XKR5: variants seen among roughly 807,000 people sequenced by gnomAD.
XKR5 encodes the protein XK related 5, also known as XK-related protein 5.
In XKR5, 46 loss-of-function variants were observed where a neutral mutation model predicts 40.8. The ratio of observed to expected loss-of-function variants is 1.13; its 90% CI spans 0.89 to 1.44. The LOEUF is 1.44. Among genes scored for constraint, XKR5 ranks in the 40% most tolerant of loss-of-function variants. The pLI is 0.00. For missense variants in XKR5, 1,169 were observed against 844.7 expected (o/e 1.38, Z -4.76); for synonymous variants, 466 against 356.1 (o/e 1.31, Z -3.48).
chr8:6,822,789 T>G (rs1034664273), intron 4 of XKR5, among the ~76,000 whole-genome samples: 1 of 152,220 alleles, frequency 6.6e-6, no homozygotes, highest in Non-Finnish European at 1.5e-5. Flanking sequence ...CCATTCATAT[T>G]GCGTGTGCCT....
rs924188759 is a variant in XKR5, at chr8:6,810,255, G to T, written c.*943C>A. 6.6e-6 allele frequency: 1 copy of T among 152,370 alleles called. No homozygotes were observed. Among genetic ancestry groups the T allele is most frequent in the African/African-American group, 2.4e-5 (1 of 41,578 alleles). The allele number at this position is 152,370 out of a possible 1,614,324, so 9.4% of individuals were successfully genotyped here. A position where few individuals can be genotyped will look rare whatever the true frequency, so the allele number is the denominator to read the frequency against. On this transcript the variant is annotated 3_prime_UTR_variant, in exon 7 of 7. Coordinates refer to ENST00000618742, the MANE Select transcript of XKR5 (RefSeq NM_207411.5). ...CAAAGGAAGGCTTAAAGAAATTATG[G>T]AAATACCTAGCCACAAAGAACACTT...
At chr8:6,827,633 A>C (rs189132108) in intron 2 of XKR5, among the ~76,000 whole-genome samples, 3 of 152,364 alleles carry the variant, frequency 2.0e-5, no homozygotes, top group Admixed American at 2.0e-4. Context: ...TATGACACTA[A>C]AAAATGTAAC....
chr8:6,815,775 G>C (rs1378047924), intron 6 of XKR5, 32 bp downstream of exon 6: 2 of 1,445,962 alleles, frequency 1.4e-6, no homozygotes, highest in Non-Finnish European at 1.9e-6. Flanking sequence ...TTGGGGAGGG[G>C]ATGCAGAGAA....
At chr8:6,833,304 C>T (rs1804857697) in intron 1 of XKR5, among the ~76,000 whole-genome samples, 1 of 152,256 alleles carries the variant, frequency 6.6e-6, no homozygotes, top group African/African-American at 2.4e-5. Flanking sequence ...GCCTCAACTT[C>T]CCCTGGTTCC....
Position 6,821,903 on chromosome 8 carries a change from C to G in XKR5, c.773G>C (p.Ser258Thr), listed in dbSNP as rs1459017861. 3.1e-6 allele frequency: 5 copies of G among 1,613,490 alleles called. No individual in the cohort carries two copies. Among genetic ancestry groups the G allele is most frequent in the Admixed American group, 1.7e-5 (1 of 59,942 alleles). ...CGTGACCATCCTATTTCTAGAAGGG[C>G]TGTCCCAGAAGCTGAGGTAGCAGAG... is the stretch of plus-strand genomic sequence containing the variant. ...YILCYLSFWD[S>T]PSRNRMVTFY... is the part of the protein sequence containing the mutation. Residue 258 changes from serine to threonine, a missense_variant, in exon 5 of 7, where the codon AGC (serine) becomes ACC (threonine). By Grantham distance (58) the Ser-to-Thr change is moderately conservative. Coordinates refer to ENST00000618742, the MANE Select transcript of XKR5 (RefSeq NM_207411.5).
chr8:6,829,992 C>T (rs1319587073), intron 2 of XKR5, among the ~76,000 whole-genome samples: 3 of 151,912 alleles, frequency 2.0e-5, no homozygotes, highest in Non-Finnish European at 4.4e-5. Context: ...CGCCCGCCAC[C>T]ACGCCCGGCT....
intron 2 of XKR5, among the ~76,000 whole-genome samples, chr8:6,827,220 G>A (rs937338517): frequency 2.6e-5 from 4 of 152,174 alleles, no homozygotes; most frequent in African/African-American, 7.2e-5. Context: ...GCAGCAATAA[G>A]GAGATGACCA....
intron 1 of XKR5, among the ~76,000 whole-genome samples, chr8:6,834,991 T>A (rs1430529071): frequency 1.3e-5 from 2 of 152,152 alleles, no homozygotes; most frequent in Non-Finnish European, 2.9e-5. Context: ...AGGGTCCCCC[T>A]GGACGGCCGG....
At position 6,832,718 on chromosome 8, in the gene XKR5, G is replaced by T. The variant is rs758160435; in HGVS notation, c.241C>A (p.Arg81=). 2.5e-6 allele frequency: 4 copies of T among 1,612,860 alleles called. No individual in the cohort carries two copies. Among genetic ancestry groups the T allele is most frequent in the Non-Finnish European group, 2.5e-6 (3 of 1,179,458 alleles). ...LHLLQLGVWK[R]HWDAALTSLQ... is the part of the protein sequence containing the mutation. Reference sequence around the variant, plus strand: ...GGTGAAAGAGGCAGCTGTTCTTACCGCTTCCAAACACCAAGCTGTAGGAGG... The same window carrying T: ...GGTGAAAGAGGCAGCTGTTCTTACCTCTTCCAAACACCAAGCTGTAGGAGG... The change falls in exon 2 of 7, where the codon CGG becomes AGG. Residue 81 remains arginine, a splice_region_variant and synonymous_variant. Coordinates refer to ENST00000618742, the MANE Select transcript of XKR5 (RefSeq NM_207411.5).
Position 6,825,123 on chromosome 8 carries a change from C to T in XKR5, c.427+42G>A, listed in dbSNP as rs139049628. 2.5e-5 allele frequency: 40 copies of T among 1,606,444 alleles called. No individual in the cohort carries two copies. In the East Asian group the frequency reaches 3.8e-4, roughly 15 times the overall value. On this transcript the variant is annotated intron_variant, in intron 3 of 6. Coordinates refer to ENST00000618742, the MANE Select transcript of XKR5 (RefSeq NM_207411.5). ...ACAGGCTCACATTCCTGTCCCCCTT[C>T]GGCAGTCAGACAGTCTGTGCTCTGT...
rs1481213098 is a variant in XKR5 at position 6,822,034 on chromosome 8, G to A, written c.642C>T (p.Ala214=). The A allele has an allele frequency of 1.2e-6, 2 of 1,603,564 alleles. No homozygotes were observed. The highest frequency in any genetic ancestry group is 1.7e-5 in the Admixed American group (1 of 58,624). The change falls in exon 5 of 7, where the codon GCC becomes GCT. Residue 214 remains alanine (A), a synonymous_variant. Coordinates refer to ENST00000618742, the MANE Select transcript of XKR5 (RefSeq NM_207411.5). ...YHFWVFVVAG[A]HWLVMTFWLV... ...GCCAGAATGTCATCACCAGCCAGTG[G>A]GCACCTGCAGAGAAGCCGGGTGCAG...
At chr8:6,817,619 C>T (rs1284512331) in intron 5 of XKR5, among the ~76,000 whole-genome samples, 1 of 152,190 alleles carries the variant, frequency 6.6e-6, no homozygotes, top group East Asian at 1.9e-4. Flanking sequence ...CGCAGTGCTG[C>T]CAGGAGAAGG....
intron 1 of XKR5, among the ~76,000 whole-genome samples, chr8:6,833,370 G>C (rs935171775): frequency 6.6e-6 from 1 of 152,224 alleles, no homozygotes; most frequent in African/African-American, 2.4e-5. Flanking sequence ...GGCATGGTGT[G>C]CCATGTCTCC....
intron 5 of XKR5, among the ~76,000 whole-genome samples, chr8:6,817,999 C>G (rs986472764): frequency 5.9e-5 from 9 of 152,222 alleles, no homozygotes; most frequent in Admixed American, 1.3e-4. Context: ...GCCAAGCCCC[C>G]GGATGTTCCT....
intron 1 of XKR5, among the ~76,000 whole-genome samples, chr8:6,834,202 C>A (rs945101578): frequency 6.6e-6 from 1 of 152,234 alleles, no homozygotes; most frequent in African/African-American, 2.4e-5. Context: ...GGCATCGTTT[C>A]ACACAACTGT....
chr8:6,833,665 G>C (rs1804871078), intron 1 of XKR5, among the ~76,000 whole-genome samples: 1 of 152,176 alleles, frequency 6.6e-6, no homozygotes, highest in Non-Finnish European at 1.5e-5. Context: ...GCAGTGAGTC[G>C]AGATTGGGCC....
At chr8:6,833,290 T>A (rs182652849) in intron 1 of XKR5, among the ~76,000 whole-genome samples, 1 of 152,342 alleles carries the variant, frequency 6.6e-6, no homozygotes, top group Admixed American at 6.5e-5. Context: ...TAGCAAAGCG[T>A]CTGGCCTCAA....
In XKR5 at chr8:6,812,226, T is replaced by G; in HGVS notation, c.1033A>C (p.Arg345=). The G allele has an allele frequency of 6.4e-7, 1 of 1,551,994 alleles. No homozygotes were observed. Among genetic ancestry groups the G allele is most frequent in the African/African-American group, 1.4e-5 (1 of 73,198 alleles). Residue 345 remains arginine (R), a synonymous_variant, in exon 7 of 7, where the codon AGA becomes CGA. Transcript: ENST00000618742. The part of the protein sequence containing the change: ...GIAGGDKTER[R]DSPRATDLAG... ...AGATCTGTGGCCCGGGGAGAATCTC[T>G]TCTCTCTGTTTTATCACCTCCTGCA...
chr8:6,831,304 T>C (rs1284649439), intron 2 of XKR5, among the ~76,000 whole-genome samples: 2 of 152,208 alleles, frequency 1.3e-5, no homozygotes, highest in Non-Finnish European at 2.9e-5. Context: ...GGCCCTGTCT[T>C]TTCAGGGGAA....
Sources: allele counts gnomAD v4.1 joint callset (sites outside exome capture counted in the v4.1 genomes callset), GRCh38; gene constraint gnomAD v4.1.1; transcripts MANE v1.5; gene names NCBI Gene and HGNC (gene_info 2026-07-23, HGNC 2026-07-21).